The following ASCC1 variants were observed in gnomAD, a reference collection of about 807,000 sequenced individuals.
The protein encoded by ASCC1 is ASC-1 complex subunit P50.
Under a neutral mutation model 46.6 loss-of-function variants are expected in ASCC1, and 35 were observed. That is an observed-to-expected ratio of 0.75 (90% CI 0.57 to 0.99). The LOEUF is 0.99. ASCC1 is among the 50% of genes least tolerant of loss of function. The pLI, the probability that ASCC1 is intolerant of heterozygous loss-of-function variation, is 0.00. For synonymous variants in ASCC1, 143 were observed against 146.6 expected (o/e 0.98, Z 0.18); for missense variants, 376 against 428.7 (o/e 0.88, Z 1.09).
At chr10:72,155,530 T>C (rs1341413800) in intron 6 of ASCC1, among the ~76,000 whole-genome samples, 1 of 152,208 alleles carries the variant, frequency 6.6e-6, no homozygotes, top group Non-Finnish European at 1.5e-5. Flanking sequence ...ACACCTAAGA[T>C]CTGTGCATTT....
rs999028011 is a variant in ASCC1 at position 72,096,261 on chromosome 10, C to T, written c.*1073G>A. ...TGGGAGGCTGGGGCTCCCCAGCATTCCCGCCTCCCTCTGCTGGTCCGTGGT... is the reference window on the plus strand; with the variant it reads ...TGGGAGGCTGGGGCTCCCCAGCATTTCCGCCTCCCTCTGCTGGTCCGTGGT... On this transcript the variant is annotated 3_prime_UTR_variant, in exon 10 of 10. Coordinates refer to ENST00000672957, the MANE Select transcript of ASCC1 (RefSeq NM_001198800.3). 2.2e-6 allele frequency: 1 copy of T among 453,920 alleles called. No homozygotes were observed. The allele number at this position is 453,920 out of a possible 1,614,324, so 28.1% of individuals were successfully genotyped here. A position where few individuals can be genotyped will look rare whatever the true frequency, so the allele number is the denominator to read the frequency against.
intron 7 of ASCC1, among the ~76,000 whole-genome samples, chr10:72,145,311 C>G (rs1196102532): frequency 2.0e-5 from 3 of 152,096 alleles, no homozygotes; most frequent in African/African-American, 7.2e-5. Context: ...TACCTTAATC[C>G]AAGCACCCCT....
chr10:72,135,998 G>C (rs1846138215), intron 7 of ASCC1, among the ~76,000 whole-genome samples: 1 of 152,116 alleles, frequency 6.6e-6, no homozygotes, highest in Non-Finnish European at 1.5e-5. Context: ...AGGAAACCGA[G>C]GGTTGTTTTT....
intron 9 of ASCC1, among the ~76,000 whole-genome samples, chr10:72,127,587 T>C (rs1380255638): frequency 6.6e-6 from 1 of 151,072 alleles, no homozygotes; most frequent in African/African-American, 2.4e-5. Flanking sequence ...AGCTCAAACC[T>C]CATAAGTACA....
chr10:72,192,081 G>C (rs1345197935), intron 5 of ASCC1, among the ~76,000 whole-genome samples: 1 of 152,076 alleles, frequency 6.6e-6, no homozygotes, highest in South Asian at 2.1e-4. Context: ...TACAGATTAG[G>C]AGAAAATATC....
At chr10:72,189,281 G>A (rs545363902) in intron 5 of ASCC1, among the ~76,000 whole-genome samples, 2 of 151,502 alleles carry the variant, frequency 1.3e-5, no homozygotes, top group African/African-American at 2.4e-5. Context: ...GGTGGCGGGC[G>A]CCTGTGGTCC....
intron 9 of ASCC1, among the ~76,000 whole-genome samples, chr10:72,114,757 T>C (rs567860657): frequency 6.6e-6 from 1 of 152,288 alleles, no homozygotes; most frequent in East Asian, 1.9e-4. Flanking sequence ...ATTAAATAAA[T>C]GCATCATATT....
At chr10:72,135,490 GA>G (rs1444438214) in intron 7 of ASCC1, among the ~76,000 whole-genome samples, 1 of 152,228 alleles carries the variant, frequency 6.6e-6, no homozygotes, top group Non-Finnish European at 1.5e-5. Context: ...CATATGCACA[GA>G]AGGACTGAGG....
intron 8 of ASCC1, among the ~76,000 whole-genome samples, chr10:72,129,478 T>C (rs536728028): frequency 1.6e-4 from 24 of 152,076 alleles, no homozygotes; most frequent in African/African-American, 4.8e-4. Flanking sequence ...GAAACCAACC[T>C]GGGCAATATA....
At chr10:72,211,114 C>T (rs576108985) in intron 2 of ASCC1, among the ~76,000 whole-genome samples, 4 of 152,302 alleles carry the variant, frequency 2.6e-5, no homozygotes, top group Non-Finnish European at 4.4e-5. Flanking sequence ...TCTGTGGTTT[C>T]GCTTTCCAAG....
chr10:72,172,286 A>G (rs1355411164), intron 5 of ASCC1, among the ~76,000 whole-genome samples: 4 of 151,810 alleles, frequency 2.6e-5, no homozygotes, highest in Non-Finnish European at 4.4e-5. Context: ...CTAGTGGTGC[A>G]CAACTGTAAT....
At chr10:72,100,901 A>G (rs1238379494) in intron 9 of ASCC1, among the ~76,000 whole-genome samples, 1 of 152,208 alleles carries the variant, frequency 6.6e-6, no homozygotes, top group Non-Finnish European at 1.5e-5. Context: ...CTGGAAAGAG[A>G]AAACTATGAC....
intron 9 of ASCC1, chr10:72,102,282 T>A: frequency 1.3e-6 from 2 of 1,495,970 alleles, no homozygotes; most frequent in Admixed American, 3.9e-5. Context: ...AGCTACTTCA[T>A]GGGGAAAACA....
intron 5 of ASCC1, chr10:72,189,848 C>T: frequency 2.4e-6 from 1 of 409,880 alleles, no homozygotes; most frequent in Non-Finnish European, 4.4e-6. Context: ...AACCATTGTT[C>T]TATTTTATTC....
At chr10:72,105,141 G>T (rs926713420) in intron 9 of ASCC1, among the ~76,000 whole-genome samples, 1 of 152,200 alleles carries the variant, frequency 6.6e-6, no homozygotes, top group African/African-American at 2.4e-5. Flanking sequence ...CCCATTGGGT[G>T]CGGGTACCCA....
chr10:72,151,890 C>T (rs536525291), intron 7 of ASCC1, among the ~76,000 whole-genome samples: 2 of 151,858 alleles, frequency 1.3e-5, no homozygotes, highest in Non-Finnish European at 1.5e-5. Flanking sequence ...GGGGTTTCAC[C>T]GTGTTAGCCA....
At chr10:72,152,278 C>A (rs963308176) in intron 7 of ASCC1, among the ~76,000 whole-genome samples, 1 of 151,540 alleles carries the variant, frequency 6.6e-6, no homozygotes, top group Non-Finnish European at 1.5e-5. Context: ...AGTCCACCCA[C>A]CTCAGCCTCC....
At position 72,128,117 on chromosome 10, in the gene ASCC1, C is replaced by T; in HGVS notation, c.922G>A (p.Glu308Lys). ...YTAEGKYIFKERESFDGRNIL... is the reference protein window; with the variant it reads ...YTAEGKYIFKKRESFDGRNIL... ...TTTCGGCCATCAAATGATTCTCTTT[C>T]CTTGAAGATATATTTGCCTTCCGCT... The change falls in exon 9 of 10, where the codon GAA (glutamate) becomes AAA (lysine). Residue 308 changes from glutamate to lysine, a missense_variant. Coordinates refer to ENST00000672957, the MANE Select transcript of ASCC1 (RefSeq NM_001198800.3). The T allele has an allele frequency of 1.2e-6, 2 of 1,614,018 alleles. No homozygotes were observed. The highest frequency in any genetic ancestry group is 1.7e-6 in the Non-Finnish European group (2 of 1,179,944).
chr10:72,118,518 G>A (rs569017975), intron 9 of ASCC1, among the ~76,000 whole-genome samples: 74 of 152,192 alleles, frequency 4.9e-4, no homozygotes, highest in Non-Finnish European at 5.6e-4. Flanking sequence ...GGTGGCTCAC[G>A]CCTGTAATCC....
Sources: gnomAD v4.1 joint callset for allele counts (sites outside exome capture counted in the v4.1 genomes callset) on GRCh38, gnomAD v4.1.1 for gene constraint, MANE v1.5 for transcripts, NCBI Gene and HGNC (gene_info 2026-07-23, HGNC 2026-07-21) for gene names.